Variants in FRAS1 observed in about 807,000 individuals in gnomAD.
FRAS1 encodes Fraser extracellular matrix complex subunit 1.
In FRAS1, 290 loss-of-function variants were observed where a neutral mutation model predicts 435.2. The observed-to-expected ratio is 0.67, with a 90% CI of 0.61 to 0.73. The LOEUF (loss-of-function observed/expected upper bound fraction) is 0.73. Among genes scored for constraint, FRAS1 ranks in the 30% least tolerant of loss-of-function variants. The probability of loss-of-function intolerance (pLI) is 0.00; values close to 1 mark genes in which losing one functional copy is unlikely to be tolerated. For missense variants in FRAS1, 4,860 were observed against 5,001.5 expected (o/e 0.97, Z 0.85); for synonymous variants, 1,800 against 1,851.0 (o/e 0.97, Z 0.71).
At chr4:78,188,770 T>A (rs1217424594) in intron 2 of FRAS1, among the ~76,000 whole-genome samples, 1 of 152,164 alleles carries the variant, frequency 6.6e-6, no homozygotes, top group Non-Finnish European at 1.5e-5. Context: ...AAGGGAAACA[T>A]TCTGTATTTT....
At chr4:78,245,379 G>A (rs973929508) in intron 4 of FRAS1, 54 bp downstream of exon 4, 3 of 1,232,580 alleles carry the variant, frequency 2.4e-6, no homozygotes, top group African/African-American at 3.0e-5. Context: ...TCTGACAAGG[G>A]AAAAGCTGAA....
chr4:78,117,197 A>T (rs1718646432), intron 2 of FRAS1, among the ~76,000 whole-genome samples: 2 of 152,194 alleles, frequency 1.3e-5, no homozygotes, highest in Non-Finnish European at 2.9e-5. Context: ...CTGCCAAGAG[A>T]TCAGCTGTTG....
At chr4:78,217,814 TCC>T (rs1723836004) in intron 2 of FRAS1, among the ~76,000 whole-genome samples, 1 of 31,832 alleles carries the variant, frequency 3.1e-5, no homozygotes, top group Non-Finnish European at 5.9e-5. Flanking sequence ...CCCTCCCCTC[TCC>T]TCCCCTCCCC....
At chr4:78,379,620 T>C in intron 26 of FRAS1, 106 bp from the exon 27 acceptor site, 1 of 1,070,542 alleles carries the variant, frequency 9.3e-7, no homozygotes, top group Admixed American at 2.4e-5. Context: ...GTTTATTCTC[T>C]GGAAATTGTA....
In FRAS1 at chr4:78,434,206, A is replaced by G. The variant is rs143113012; in HGVS notation, c.5217+1602A>G. On this transcript the variant is annotated intron_variant, in intron 38 of 73. Transcript: ENST00000512123. ...GAACAGATGAGTCTGTTCTTAGTTT[A>G]AGTGTTATTAACTGGAAGAGAGTGA... Among the ~76,000 whole-genome samples, 90 of 152,330 alleles carry G rather than the reference A, an allele frequency of 5.9e-4. No individual in the cohort carries two copies. The East Asian group carries it at 0.017, about 28-fold the overall frequency.
At chr4:78,097,295 C>T (rs1392040843) in intron 2 of FRAS1, among the ~76,000 whole-genome samples, 1 of 152,202 alleles carries the variant, frequency 6.6e-6, no homozygotes, top group East Asian at 1.9e-4. Flanking sequence ...GAGTTCCAAA[C>T]TTTCTCACAT....
intron 51 of FRAS1, among the ~76,000 whole-genome samples, chr4:78,470,576 GA>G (rs562137095): frequency 6.6e-6 from 1 of 151,404 alleles, no homozygotes; most frequent in African/African-American, 2.4e-5. Context: ...ATGTTTGAAG[GA>G]AAAAAAATAA....
At chr4:78,218,869 T>A (rs1723920934) in intron 2 of FRAS1, among the ~76,000 whole-genome samples, 1 of 152,226 alleles carries the variant, frequency 6.6e-6, no homozygotes, top group Non-Finnish European at 1.5e-5. Context: ...TTTCCAAATA[T>A]AAAATGTGAT....
At chr4:78,468,630 A>T (rs1719610706) in intron 50 of FRAS1, among the ~76,000 whole-genome samples, 1 of 152,188 alleles carries the variant, frequency 6.6e-6, no homozygotes, top group Non-Finnish European at 1.5e-5. Context: ...AGATATCCAG[A>T]AGAAATGTTG....
chr4:78,414,020 G>A (rs769991111), intron 32 of FRAS1, among the ~76,000 whole-genome samples: 1 of 152,152 alleles, frequency 6.6e-6, no homozygotes, highest in Non-Finnish European at 1.5e-5. Flanking sequence ...CCAAAGTACT[G>A]TATCAGCCTT....
At chr4:78,086,925 A>G (rs1475576423) in intron 2 of FRAS1, among the ~76,000 whole-genome samples, 1 of 152,204 alleles carries the variant, frequency 6.6e-6, no homozygotes, top group Non-Finnish European at 1.5e-5. Flanking sequence ...TCATTTTATG[A>G]GGCCAGCATC....
chr4:78,057,943 C>A lies in FRAS1; in HGVS notation c.-67C>A. On this transcript the variant is annotated 5_prime_UTR_variant, in exon 1 of 74. Transcript: ENST00000512123. This position sits in a 1 kb window ranked among gnomAD's most constrained non-coding sequence, Gnocchi z 4.2. ...CCCGGGTTCCAAGCGCCGGAGCCAG[C>A]GTTTTGGCGGAGCCGCTTCTTGGAT... 2.0e-6 allele frequency: 3 copies of A among 1,497,530 alleles called. No individual in the cohort carries two copies. Among genetic ancestry groups the A allele is most frequent in the Non-Finnish European group, 2.8e-6 (3 of 1,078,932 alleles). 92.8% of individuals were successfully genotyped at this position (1,497,530 alleles called of 1,614,324 possible).
At chr4:78,502,008 G>A (rs1482468737) in intron 61 of FRAS1, among the ~76,000 whole-genome samples, 3 of 152,196 alleles carry the variant, frequency 2.0e-5, no homozygotes, top group African/African-American at 7.2e-5. Context: ...TGTCAGGTTT[G>A]TCAAAGATCA....
chr4:78,096,486 C>T (rs56905033), intron 2 of FRAS1, among the ~76,000 whole-genome samples: 9,189 of 152,300 alleles, frequency 0.06, 754 homozygotes, highest in African/African-American at 0.19. Context: ...CAGAGGTTCT[C>T]CATGAGAGCC....
chr4:78,365,816 T>C (rs1382225011), intron 22 of FRAS1, among the ~76,000 whole-genome samples: 1 of 147,864 alleles, frequency 6.8e-6, no homozygotes, highest in Non-Finnish European at 1.5e-5. Flanking sequence ...CAAAAAGAAC[T>C]AGCAGGGCAT....
chr4:78,223,972 C>G (rs1724163804), intron 2 of FRAS1, among the ~76,000 whole-genome samples: 1 of 152,032 alleles, frequency 6.6e-6, no homozygotes. Flanking sequence ...TGTCATGTGC[C>G]TTTATGGAAA....
chr4:78,529,976 G>A (rs997343495), intron 70 of FRAS1, among the ~76,000 whole-genome samples: 2 of 152,134 alleles, frequency 1.3e-5, no homozygotes, highest in Non-Finnish European at 2.9e-5. Flanking sequence ...GTTTCATACT[G>A]CATGAATTAT....
intron 2 of FRAS1, among the ~76,000 whole-genome samples, chr4:78,111,934 G>A (rs1271993679): frequency 1.3e-5 from 2 of 151,996 alleles, no homozygotes; most frequent in African/African-American, 2.4e-5. Context: ...TGATGACATT[G>A]TTTTCAAGAG....
intron 51 of FRAS1, 43 bp from the exon 52 acceptor site, chr4:78,472,137 T>C (rs1313677236): frequency 1.3e-6 from 2 of 1,599,512 alleles, no homozygotes; most frequent in Middle Eastern, 3.3e-4. Context: ...GTTCCTGCTT[T>C]ATTCCCACCT....
Sources: gnomAD v4.1 joint callset for allele counts (sites outside exome capture counted in the v4.1 genomes callset) on GRCh38, gnomAD v4.1.1 for gene constraint, Gnocchi (gnomAD v3.1) non-coding constraint, MANE v1.5 for transcripts, NCBI Gene and HGNC (gene_info 2026-07-23, HGNC 2026-07-21) for gene names.